The following QTMAN variants were observed in gnomAD, a reference collection of about 807,000 sequenced individuals.
QTMAN encodes queuosine-tRNA mannosyltransferase.
chr2:144,121,197 T>C, the QTMAN span, among the ~76,000 whole-genome samples: 2 of 152,032 alleles, frequency 1.3e-5, no homozygotes, highest in Non-Finnish European at 2.9e-5. Context: ...CTAGGGATAG[T>C]GGACTGGGCA....
chr2:144,049,703 C>T, the QTMAN span, among the ~76,000 whole-genome samples: 1 of 152,122 alleles, frequency 6.6e-6, no homozygotes, highest in East Asian at 1.9e-4. Flanking sequence ...CAAAATGGCT[C>T]TTTTTTGTTA....
chr2:144,000,982 G>C, the QTMAN span, among the ~76,000 whole-genome samples: 76 of 151,912 alleles, frequency 5.0e-4, no homozygotes, highest in Non-Finnish European at 1.6e-4. Context: ...CCTTCCCAAA[G>C]TATTCTATTA....
the QTMAN span, among the ~76,000 whole-genome samples, chr2:144,046,161 A>G: frequency 1.3e-5 from 2 of 152,208 alleles, no homozygotes; most frequent in Non-Finnish European, 2.9e-5. Flanking sequence ...AACACTATCA[A>G]ATAACAACAT....
chr2:144,144,343 TC>T, the QTMAN span, among the ~76,000 whole-genome samples: 1 of 151,868 alleles, frequency 6.6e-6, no homozygotes, highest in African/African-American at 2.4e-5. Flanking sequence ...GGATGTAACT[TC>T]CATTAACTTT....
chr2:144,322,120 T>C, the QTMAN span, among the ~76,000 whole-genome samples: 3 of 152,198 alleles, frequency 2.0e-5, no homozygotes, highest in Admixed American at 6.5e-5. Context: ...AAAAAGAAAC[T>C]AGAGGCATGT....
At chr2:143,961,869 T>C in the QTMAN span, among the ~76,000 whole-genome samples, 1 of 152,010 alleles carries the variant, frequency 6.6e-6, no homozygotes, top group Non-Finnish European at 1.5e-5. Context: ...TGAGAGTGAG[T>C]TGTTACCAGT....
the QTMAN span, among the ~76,000 whole-genome samples, chr2:143,968,530 G>A: frequency 6.6e-6 from 1 of 152,148 alleles, no homozygotes; most frequent in Non-Finnish European, 1.5e-5. Flanking sequence ...GTCAATGTGT[G>A]GGAGAGGAGA....
chr2:144,228,545 A>C, the QTMAN span, among the ~76,000 whole-genome samples: 1 of 152,216 alleles, frequency 6.6e-6, no homozygotes, highest in Admixed American at 6.5e-5. Context: ...AAATAGCTGA[A>C]GGTTAGGAAG....
At chr2:144,304,850 G>A in the QTMAN span, among the ~76,000 whole-genome samples, 1 of 152,114 alleles carries the variant, frequency 6.6e-6, no homozygotes, top group Admixed American at 6.5e-5. Flanking sequence ...ATTCTGATTT[G>A]ACTTGCATTT....
the QTMAN span, among the ~76,000 whole-genome samples, chr2:143,974,970 A>G: frequency 1.3e-5 from 2 of 152,180 alleles, no homozygotes; most frequent in Admixed American, 1.3e-4. Context: ...AAGCTTCCCA[A>G]CAAATTTCCA....
the QTMAN span, among the ~76,000 whole-genome samples, chr2:144,197,163 A>G: frequency 4.6e-5 from 7 of 152,142 alleles, no homozygotes; most frequent in Non-Finnish European, 8.8e-5. Context: ...CTATAACACA[A>G]TGGTATTTGT....
At chr2:144,026,050 G>C in the QTMAN span, among the ~76,000 whole-genome samples, 4 of 152,180 alleles carry the variant, frequency 2.6e-5, no homozygotes, top group African/African-American at 9.7e-5. Flanking sequence ...TTCTGGTACT[G>C]TTAGCATATT....
At chr2:144,172,940 T>C in the QTMAN span, among the ~76,000 whole-genome samples, 1 of 152,152 alleles carries the variant, frequency 6.6e-6, no homozygotes, top group Non-Finnish European at 1.5e-5. Flanking sequence ...TTCTTGCTTC[T>C]TTTCAACTCT....
chr2:144,127,346 G>C, the QTMAN span, among the ~76,000 whole-genome samples: 3 of 151,948 alleles, frequency 2.0e-5, no homozygotes, highest in Non-Finnish European at 4.4e-5. Context: ...CAGCAGGAAA[G>C]GGTCATGAGT....
the QTMAN span, among the ~76,000 whole-genome samples, chr2:144,263,698 G>A: frequency 6.6e-6 from 1 of 152,180 alleles, no homozygotes; most frequent in Non-Finnish European, 1.5e-5. Flanking sequence ...ACTCCTGCCT[G>A]GGTGACAGAG....
At chr2:144,315,503 A>AT in the QTMAN span, among the ~76,000 whole-genome samples, 2 of 152,240 alleles carry the variant, frequency 1.3e-5, no homozygotes, top group African/African-American at 4.8e-5. Context: ...ATACAACTTC[A>AT]TATTAAAGGT....
the QTMAN span, among the ~76,000 whole-genome samples, chr2:144,237,782 C>T: frequency 6.6e-6 from 1 of 152,218 alleles, no homozygotes; most frequent in East Asian, 1.9e-4. Flanking sequence ...GAGTGATCAA[C>T]AGAATGCAGT....
chr2:144,081,326 C>T, the QTMAN span, among the ~76,000 whole-genome samples: 2 of 152,138 alleles, frequency 1.3e-5, no homozygotes, highest in African/African-American at 2.4e-5. Context: ...CTTTTTCCAA[C>T]ACCTAATTCT....
At chr2:144,147,161 T>C in the QTMAN span, among the ~76,000 whole-genome samples, 115 of 151,772 alleles carry the variant, frequency 7.6e-4, no homozygotes, top group African/African-American at 2.7e-3. Context: ...GGAATTCAAG[T>C]GTCTTCTTCA....
Sources: gnomAD v4.1 joint callset for allele counts (sites outside exome capture counted in the v4.1 genomes callset) on GRCh38, gnomAD v4.1.1 for gene constraint, MANE v1.5 for transcripts, NCBI Gene and HGNC (gene_info 2026-07-23, HGNC 2026-07-21) for gene names.